DMD: variants seen among roughly 807,000 people sequenced by gnomAD.
DMD encodes dystrophin, also known as mutant dystrophin.
A neutral mutation model predicts 330.1 loss-of-function variants in DMD; 63 were observed. The ratio of observed to expected loss-of-function variants is 0.19; its 90% CI spans 0.16 to 0.24. DMD has a LOEUF of 0.24. Among genes scored for constraint, DMD ranks in the 10% least tolerant of loss-of-function variants. The pLI is 1.00. For missense variants in DMD, 3,344 were observed against 2,684.1 expected (o/e 1.25, Z -5.43); for synonymous variants, 1,223 against 959.8 (o/e 1.27, Z -5.07).
At chrX:31,468,741 C>A (rs2067058161) in intron 59 of DMD, among the ~76,000 whole-genome samples, 1 of 111,234 alleles carries the variant, frequency 9.0e-6, no homozygotes, top group Admixed American at 9.6e-5. Flanking sequence ...TTTCGTTGAT[C>A]CGTCTAATAT....
chrX:32,339,202 C>A (rs936905565), intron 41 of DMD, among the ~76,000 whole-genome samples: 1 of 111,281 alleles, frequency 9.0e-6, no homozygotes, highest in Non-Finnish European at 1.9e-5. Context: ...GATCATACAG[C>A]ACTCAAAGTC....
chrX:32,228,635 T>C (rs1216828182), intron 43 of DMD, among the ~76,000 whole-genome samples: 1 of 111,607 alleles, frequency 9.0e-6, no homozygotes, highest in Admixed American at 9.6e-5. Flanking sequence ...TCTCTGAGGA[T>C]TTGATATATT....
chrX:32,509,132 A>G (rs1473727570), intron 18 of DMD, among the ~76,000 whole-genome samples: 1 of 107,214 alleles, frequency 9.3e-6, no homozygotes, highest in Admixed American at 1.0e-4. Flanking sequence ...TTGACACAAG[A>G]GATGATGAGA....
intron 42 of DMD, among the ~76,000 whole-genome samples, chrX:32,303,393 A>C (rs1302069465): frequency 1.8e-5 from 2 of 110,760 alleles, no homozygotes; most frequent in African/African-American, 6.5e-5. Context: ...AAAAAACAAC[A>C]AACAAGATAC....
At chrX:32,457,887 C>T (rs1461520142) in intron 25 of DMD, among the ~76,000 whole-genome samples, 1 of 109,527 alleles carries the variant, frequency 9.1e-6, no homozygotes, top group Non-Finnish European at 1.9e-5. Flanking sequence ...AATTTAAAGC[C>T]ACTAATAATT....
intron 9 of DMD, among the ~76,000 whole-genome samples, chrX:32,658,789 T>A (rs1229746298): frequency 9.0e-6 from 1 of 111,488 alleles, no homozygotes; most frequent in Non-Finnish European, 1.9e-5. Flanking sequence ...TCATGCTGCA[T>A]AAAACCAGTG....
intron 2 of DMD, among the ~76,000 whole-genome samples, chrX:32,971,520 G>C (rs1248098929): frequency 9.0e-6 from 1 of 110,924 alleles, no homozygotes; most frequent in African/African-American, 3.3e-5. Flanking sequence ...CATTTTTATT[G>C]ATACAGCTAA....
chrX:32,632,297 T>C (rs1449878182), intron 11 of DMD, among the ~76,000 whole-genome samples: 2 of 111,972 alleles, frequency 1.8e-5, no homozygotes, highest in Non-Finnish European at 3.8e-5. Context: ...TCCAACTTTG[T>C]GGCTTTCTAG....
intron 6 of DMD, among the ~76,000 whole-genome samples, chrX:32,815,760 G>C: frequency 9.1e-6 from 1 of 109,655 alleles, no homozygotes; most frequent in East Asian, 2.9e-4. Flanking sequence ...AAGGACTTTG[G>C]TTCACTGTAT....
intron 9 of DMD, among the ~76,000 whole-genome samples, chrX:32,658,497 C>T: frequency 9.0e-6 from 1 of 111,472 alleles, no homozygotes; most frequent in African/African-American, 3.3e-5. Context: ...TGGATGTGTT[C>T]CAATAAAACT....
chrX:33,041,272 A>C (rs2094294645), intron 1 of DMD: 2 of 644,962 alleles, frequency 3.1e-6, no homozygotes, highest in Admixed American at 3.1e-5. Context: ...AAAACTCCTT[A>C]AGTGGCCGCG....
chrX:32,879,021 A>AAAAAAAACAAACAAAC (rs1352069437), intron 2 of DMD, among the ~76,000 whole-genome samples: 6 of 101,792 alleles, frequency 5.9e-5, no homozygotes, highest in African/African-American at 1.8e-4. Context: ...AAAAAAACAA[A>AAAAAAAACAAACAAAC]AAACAAAAAA....
chrX:33,207,932 A>G (rs945764370), intron 1 of DMD, among the ~76,000 whole-genome samples: 5 of 111,564 alleles, frequency 4.5e-5, no homozygotes, highest in South Asian at 3.7e-4. Context: ...AAAATATTCC[A>G]ATACGAACCA....
chrX:31,257,774 G>A (rs1467467595), intron 63 of DMD, among the ~76,000 whole-genome samples: 9 of 111,695 alleles, frequency 8.1e-5, no homozygotes, highest in African/African-American at 2.0e-4. Flanking sequence ...GCAAAACCCC[G>A]TCCCTAGTAA....
intron 9 of DMD, among the ~76,000 whole-genome samples, chrX:32,657,708 C>G (rs762572956): frequency 1.4e-4 from 16 of 111,883 alleles, no homozygotes; most frequent in African/African-American, 4.9e-4. Flanking sequence ...GTAATTGAAA[C>G]GAGATTTTGT....
chrX:31,483,201 C>T (rs1160618947), intron 57 of DMD, among the ~76,000 whole-genome samples: 3 of 108,506 alleles, frequency 2.8e-5, no homozygotes, highest in Non-Finnish European at 5.7e-5. Flanking sequence ...CGCCCGCCAC[C>T]ACGCCCAGCT....
chrX:31,940,208 G>A (rs1336093729), intron 45 of DMD, among the ~76,000 whole-genome samples: 1 of 111,916 alleles, frequency 8.9e-6, no homozygotes, highest in Non-Finnish European at 1.9e-5. Context: ...ATGGGGAGCA[G>A]TTGTGATTTT....
chrX:31,973,745 G>T (rs748603704), intron 44 of DMD, among the ~76,000 whole-genome samples: 2 of 111,874 alleles, frequency 1.8e-5, no homozygotes, highest in Admixed American at 1.9e-4. Context: ...GGGGAACTAA[G>T]TGCCCCTCCT....
chrX:33,023,124 C>T, intron 1 of DMD, among the ~76,000 whole-genome samples: 1 of 111,812 alleles, frequency 8.9e-6, no homozygotes, highest in Non-Finnish European at 1.9e-5. Context: ...AACATTTTAA[C>T]ATCCAAAAAT....
Sources: allele counts gnomAD v4.1 joint callset (sites outside exome capture counted in the v4.1 genomes callset), GRCh38; gene constraint gnomAD v4.1.1; transcripts MANE v1.5; gene names NCBI Gene and HGNC (gene_info 2026-07-23, HGNC 2026-07-21).